The following CEP162 variants were observed in gnomAD, a reference collection of about 807,000 sequenced individuals.
CEP162 encodes the protein centrosomal protein of 162 kDa.
Under a neutral mutation model 169.2 loss-of-function variants are expected in CEP162, and 141 were observed. The ratio of observed to expected loss-of-function variants is 0.83; its 90% confidence interval spans 0.73 to 0.96. The LOEUF (loss-of-function observed/expected upper bound fraction) is 0.96. Ranked by LOEUF, CEP162 falls within the 40% of genes least tolerant of loss-of-function variation. The pLI, the probability that CEP162 is intolerant of heterozygous loss-of-function variation, is 0.00. For missense variants in CEP162, 1,600 were observed against 1,587.2 expected, an observed-to-expected ratio of 1.01 and a Z score of -0.14; for synonymous variants, 540 against 526.4, an observed-to-expected ratio of 1.03 and a Z score of -0.35.
chr6:84,127,045 T>TGA (rs1445901703), intron 25 of CEP162, among the ~76,000 whole-genome samples: 2 of 152,170 alleles, frequency 1.3e-5, no homozygotes, highest in African/African-American at 4.8e-5. Context: ...AATGAAGTAC[T>TGA]GAGCCCTTTC....
intron 11 of CEP162, among the ~76,000 whole-genome samples, chr6:84,191,055 T>C (rs1220301926): frequency 6.6e-6 from 1 of 152,182 alleles, no homozygotes; most frequent in African/African-American, 2.4e-5. Context: ...CAAAGAACTC[T>C]AAGTTTCATT....
chr6:84,197,840 A>AG (rs1331866393), intron 9 of CEP162, among the ~76,000 whole-genome samples: 3 of 151,352 alleles, frequency 2.0e-5, no homozygotes, highest in African/African-American at 4.9e-5. Flanking sequence ...AAAAAAAAAA[A>AG]AAAGAGAGAA....
At chr6:84,168,895 T>C (rs1451795017) in intron 18 of CEP162, among the ~76,000 whole-genome samples, 1 of 152,208 alleles carries the variant, frequency 6.6e-6, no homozygotes, top group African/African-American at 2.4e-5. Context: ...AGAAGTGCAG[T>C]CTACTTCGGA....
chr6:84,150,773 GAAAC>G (rs1187870023), intron 23 of CEP162, among the ~76,000 whole-genome samples: 1 of 152,124 alleles, frequency 6.6e-6, no homozygotes, highest in African/African-American at 2.4e-5. Context: ...CAGGACTTAA[GAAAC>G]AAGCTTTCCA....
intron 13 of CEP162, among the ~76,000 whole-genome samples, chr6:84,181,861 A>C (rs2099534980): frequency 6.6e-6 from 1 of 152,132 alleles, no homozygotes. Flanking sequence ...AATATGCTTT[A>C]TATTTCACGG....
At chr6:84,226,686 A>G (rs568138687) in intron 1 of CEP162, among the ~76,000 whole-genome samples, 1 of 152,184 alleles carries the variant, frequency 6.6e-6, no homozygotes, top group Non-Finnish European at 1.5e-5. Flanking sequence ...TTAACATCCA[A>G]TTGTTAAAGA....
At position 84,185,251 on chromosome 6, in the gene CEP162, T is replaced by C. The variant is rs182637424; in HGVS notation, c.1599A>G (p.Ser533=). ...KMFSTLEKKT[S]EDIIKSKNLR... ...AGTTTTTGCTTTTTATAATGTCCTC[T>C]GAAGTTTTCTTTTCAAGAGTAGAAA... The change falls in exon 13 of 27, where the codon TCA becomes TCG. Residue 533 remains serine, a synonymous_variant. Transcript: ENST00000403245. 2.7e-5 allele frequency: 43 copies of C among 1,613,596 alleles called. No homozygotes were observed. In the Admixed American group the frequency reaches 6.0e-4, roughly 23 times the overall value.
intron 15 of CEP162, among the ~76,000 whole-genome samples, chr6:84,174,389 T>G (rs935170467): frequency 6.6e-6 from 1 of 152,230 alleles, no homozygotes; most frequent in African/African-American, 2.4e-5. Context: ...TCACAAATGC[T>G]ACACAATGTC....
chr6:84,133,950 G>A (rs939265396), intron 25 of CEP162, among the ~76,000 whole-genome samples: 4 of 152,180 alleles, frequency 2.6e-5, no homozygotes, highest in Non-Finnish European at 4.4e-5. Flanking sequence ...GCTCATGCTA[G>A]GAGCTGTAGA....
intron 25 of CEP162, among the ~76,000 whole-genome samples, chr6:84,140,165 A>C (rs2099515961): frequency 1.3e-5 from 2 of 152,146 alleles, no homozygotes. Context: ...CCAAGACACA[A>C]GTGACAAGTG....
At position 84,135,184 on chromosome 6, in the gene CEP162, A is replaced by G. The variant is rs558557318; in HGVS notation, c.3871-8672T>C. ...TGCTAATACTAATTATTATGTATTA[A>G]TAGTATAAAAACACATGCATAGTGA... On this transcript the variant is annotated intron_variant, in intron 25 of 26. Transcript: ENST00000403245. Among the ~76,000 whole-genome samples, 4 of 152,352 alleles carry G rather than the reference A, an allele frequency of 2.6e-5. No individual in the cohort carries two copies. In the South Asian group the frequency reaches 8.3e-4, roughly 32 times the overall value.
rs1187062258 is a variant in CEP162 at position 84,124,584 on chromosome 6, G to C, written c.*486C>G. On this transcript the variant is annotated 3_prime_UTR_variant, in exon 27 of 27. Transcript: ENST00000403245. Reference sequence around the variant, plus strand: ...ACACTGGGGACTCCAATAGGGGAAAGAGTGTGAGCGGCAGTAAGCGTTGAA... The same window carrying C: ...ACACTGGGGACTCCAATAGGGGAAACAGTGTGAGCGGCAGTAAGCGTTGAA... The C allele has an allele frequency of 1.2e-5, 2 of 173,884 alleles. No individual in the cohort carries two copies. The highest frequency in any genetic ancestry group is 2.4e-5 in the African/African-American group (1 of 41,550). 10.8% of individuals were successfully genotyped at this position (173,884 alleles called of 1,614,324 possible).
rs181837359 is a variant in CEP162 at position 84,192,011 on chromosome 6, T to C, written c.1109+1598A>G. On this transcript the variant is annotated intron_variant, in intron 11 of 26. Coordinates refer to ENST00000403245, the MANE Select transcript of CEP162 (RefSeq NM_014895.4). ...CTTTCCTTACTGACTGGTTGGATGATGTCATAACAATCTTAAAACTATGTG... is the reference window on the plus strand; with the variant it reads ...CTTTCCTTACTGACTGGTTGGATGACGTCATAACAATCTTAAAACTATGTG... 3.9e-3 allele frequency among the ~76,000 whole-genome samples: 596 copies of C among 152,330 alleles called. 7 individuals are homozygous for C. Among genetic ancestry groups the C allele is most frequent in the African/African-American group, 0.014 (571 of 41,578 alleles).
intron 22 of CEP162, among the ~76,000 whole-genome samples, chr6:84,153,754 T>C (rs954503660): frequency 6.6e-6 from 1 of 152,186 alleles, no homozygotes; most frequent in Non-Finnish European, 1.5e-5. Context: ...TACCAAGTTA[T>C]GACCTTATGC....
chr6:84,183,665 C>A (rs2099535862), intron 13 of CEP162, among the ~76,000 whole-genome samples: 1 of 152,128 alleles, frequency 6.6e-6, no homozygotes, highest in South Asian at 2.1e-4. Context: ...CCATGGTCAA[C>A]CATTTTAATC....
At chr6:84,213,207 C>T (rs1012051652) in intron 5 of CEP162, among the ~76,000 whole-genome samples, 183 bp from the exon 6 acceptor site, 2 of 152,078 alleles carry the variant, frequency 1.3e-5, no homozygotes, top group South Asian at 2.1e-4. Flanking sequence ...AAAGCATCTT[C>T]GAAGCATTTG....
At position 84,186,467 on chromosome 6, in the gene CEP162, A is replaced by T; in HGVS notation, c.1266T>A (p.Ser422Arg). 3.1e-6 allele frequency: 5 copies of T among 1,613,102 alleles called. No homozygotes were observed. Among genetic ancestry groups the T allele is most frequent in the Non-Finnish European group, 4.2e-6 (5 of 1,179,394 alleles). The change falls in exon 12 of 27, where the codon AGT becomes AGA. Residue 422 changes from serine to arginine, a missense_variant. Coordinates refer to ENST00000403245, the MANE Select transcript of CEP162 (RefSeq NM_014895.4). The part of the protein sequence containing the change: ...NVILQKTTNE[S>R]MENSCPQVTE... ...TTACTTGTGGACAGCTGTTTTCCAT[A>T]CTCTCATTTGTGGTCTTTTGTAAAA...
At chr6:84,209,537 G>A (rs2099548634) in intron 6 of CEP162, among the ~76,000 whole-genome samples, 1 of 151,950 alleles carries the variant, frequency 6.6e-6, no homozygotes, top group African/African-American at 2.4e-5. Flanking sequence ...ACCACGCCCG[G>A]CTAATTTTTT....
At chr6:84,180,896 A>G (rs1454347938) in intron 13 of CEP162, among the ~76,000 whole-genome samples, 3 of 152,242 alleles carry the variant, frequency 2.0e-5, no homozygotes, top group East Asian at 1.9e-4. Flanking sequence ...GGAAGAATCA[A>G]TATCGTGAAA....
Sources: gnomAD v4.1 joint callset for allele counts (sites outside exome capture counted in the v4.1 genomes callset) on GRCh38, gnomAD v4.1.1 for gene constraint, MANE v1.5 for transcripts, NCBI Gene and HGNC (gene_info 2026-07-23, HGNC 2026-07-21) for gene names.